Variants in THSD7B observed in about 807,000 individuals in gnomAD.
The protein encoded by THSD7B is thrombospondin type-1 domain-containing protein 7B.
THSD7B carries 138 observed loss-of-function variants against 213.6 expected under a neutral mutation model. That is an observed-to-expected ratio of 0.65 (90% confidence interval 0.56 to 0.74). THSD7B has a LOEUF of 0.74. Ranked by LOEUF, THSD7B falls within the 30% of genes least tolerant of loss-of-function variation. The probability of loss-of-function intolerance (pLI) is 0.00; values close to 1 mark genes in which losing one functional copy is unlikely to be tolerated. For missense variants in THSD7B, 1,931 were observed against 1,991.5 expected (o/e 0.97, Z 0.58); for synonymous variants, 742 against 687.0 (o/e 1.08, Z -1.25).
chr2:137,581,759 CAA>C (rs1205000745), intron 17 of THSD7B, among the ~76,000 whole-genome samples: 8 of 102,536 alleles, frequency 7.8e-5, no homozygotes, highest in African/African-American at 3.0e-4. Flanking sequence ...GACTCCGTCT[CAA>C]AAAAAAAAAT....
At chr2:136,999,752 C>T (rs1210189741) in intron 2 of THSD7B, among the ~76,000 whole-genome samples, 2 of 151,912 alleles carry the variant, frequency 1.3e-5, no homozygotes, top group African/African-American at 4.8e-5. Flanking sequence ...TTGCACCCCC[C>T]TTAATGTCTG....
chr2:136,919,606 G>A (rs1163027829), intron 2 of THSD7B, among the ~76,000 whole-genome samples: 1 of 152,240 alleles, frequency 6.6e-6, no homozygotes, highest in African/African-American at 2.4e-5. Flanking sequence ...CTCTGTCACA[G>A]GATATTTGGA....
intron 2 of THSD7B, among the ~76,000 whole-genome samples, chr2:136,993,679 C>T (rs746768350): frequency 3.9e-5 from 6 of 152,154 alleles, no homozygotes; most frequent in African/African-American, 4.8e-5. Flanking sequence ...AATCTGTTCA[C>T]GTGAAAAACA....
At position 137,275,928 on chromosome 2, in the gene THSD7B, A is replaced by G. The variant is rs774625005; in HGVS notation, c.2402A>G (p.Lys801Arg). Residue 801 changes from lysine (K) to arginine (R), a missense_variant, in exon 12 of 28, where the codon AAG becomes AGG. By Grantham distance (26) the Lys-to-Arg change is conservative (BLOSUM62 2). Transcript: ENST00000409968. Reference protein sequence around the residue: ...DVSLCPVYRWKPQKWSPCILV... With the variant: ...DVSLCPVYRWRPQKWSPCILV... ...ATCGTTTTTGGTAATCACAGGTGGA[A>G]GCCACAGAAATGGAGCCCTTGCATC... 3.7e-6 allele frequency: 6 copies of G among 1,610,656 alleles called. No homozygotes were observed. Among genetic ancestry groups the G allele is most frequent in the Non-Finnish European group, 8.5e-7 (1 of 1,178,266 alleles).
chr2:137,471,052 T>C (rs1688084855), intron 15 of THSD7B, among the ~76,000 whole-genome samples: 1 of 151,890 alleles, frequency 6.6e-6, no homozygotes, highest in Non-Finnish European at 1.5e-5. Context: ...CCCAAGTAGC[T>C]GGGATTACAG....
In THSD7B at chr2:137,405,656, G is replaced by A; in HGVS notation, c.2544G>A (p.Met848Ile). ...ATGACAACCGGTCAGCAGAAATGATGGAATGCCTCAAGCAGACAAACGGCA... is the reference window on the plus strand; with the variant it reads ...ATGACAACCGGTCAGCAGAAATGATAGAATGCCTCAAGCAGACAAACGGCA... Reference protein sequence around the residue: ...ISDDNRSAEMMECLKQTNGMP... With the variant: ...ISDDNRSAEMIECLKQTNGMP... The change falls in exon 13 of 28, where the codon ATG (methionine) becomes ATA (isoleucine). Residue 848 changes from methionine to isoleucine, a missense_variant. Met to Ile is a conservative substitution (Grantham distance 10). Coordinates refer to ENST00000409968, the MANE Select transcript of THSD7B (RefSeq NM_001316349.2). 4 of 1,611,136 alleles carry A rather than the reference G, an allele frequency of 2.5e-6. No individual in the cohort carries two copies. The highest frequency in any genetic ancestry group is 3.4e-6 in the Non-Finnish European group (4 of 1,178,696).
At chr2:136,961,441 C>T (rs1434903896) in intron 2 of THSD7B, among the ~76,000 whole-genome samples, 1 of 151,834 alleles carries the variant, frequency 6.6e-6, no homozygotes, top group East Asian at 2.0e-4. Flanking sequence ...AGGATGGTCT[C>T]GATCTCCTGA....
chr2:137,357,316 AG>A (rs1191835540), intron 12 of THSD7B, among the ~76,000 whole-genome samples: 2 of 152,196 alleles, frequency 1.3e-5, no homozygotes, highest in Admixed American at 6.5e-5. Context: ...GTGACTACAT[AG>A]TGTGAAATAT....
intron 12 of THSD7B, among the ~76,000 whole-genome samples, chr2:137,372,377 C>T (rs1053948673): frequency 8.7e-5 from 11 of 126,292 alleles, no homozygotes; most frequent in African/African-American, 3.1e-4. Flanking sequence ...TTATTCTGAG[C>T]CAAATGTTAG....
intron 15 of THSD7B, chr2:137,538,583 T>C (rs1680550661): frequency 2.1e-6 from 1 of 487,326 alleles, no homozygotes. Context: ...GCTTTTTTTC[T>C]CTTTGTAAAT....
chr2:136,793,683 T>C (rs1227253833), intron 1 of THSD7B, among the ~76,000 whole-genome samples: 2 of 152,020 alleles, frequency 1.3e-5, no homozygotes, highest in African/African-American at 4.8e-5. Context: ...ACTAATATTT[T>C]GGTTAGAATT....
At chr2:137,187,059 T>G (rs541222050) in intron 7 of THSD7B, among the ~76,000 whole-genome samples, 1 of 152,238 alleles carries the variant, frequency 6.6e-6, no homozygotes, top group South Asian at 2.1e-4. Context: ...CCAAGTGGCT[T>G]ATGTGATTGG....
chr2:137,071,966 T>C (rs967218510), intron 3 of THSD7B, among the ~76,000 whole-genome samples: 3 of 152,254 alleles, frequency 2.0e-5, no homozygotes, highest in African/African-American at 7.2e-5. Context: ...CATTGGTCTA[T>C]ATCTCTGTTT....
At chr2:136,807,637 G>A (rs1467839423) in intron 1 of THSD7B, among the ~76,000 whole-genome samples, 1 of 150,720 alleles carries the variant, frequency 6.6e-6, no homozygotes, top group African/African-American at 2.4e-5. Flanking sequence ...CTCCCAAGTA[G>A]CTGGGACTAC....
intron 12 of THSD7B, among the ~76,000 whole-genome samples, chr2:137,313,437 C>A (rs1050356491): frequency 8.1e-6 from 1 of 123,990 alleles, no homozygotes; most frequent in Non-Finnish European, 1.9e-5. Context: ...ATACAGCACA[C>A]TGATGGTCTT....
At chr2:137,432,181 A>C (rs1469735986) in intron 14 of THSD7B, among the ~76,000 whole-genome samples, 1 of 152,118 alleles carries the variant, frequency 6.6e-6, no homozygotes, top group East Asian at 1.9e-4. Context: ...TCACGAGGTC[A>C]GGAGATTGAG....
At chr2:137,525,699 ATAT>A (rs1274999283) in intron 15 of THSD7B, among the ~76,000 whole-genome samples, 2 of 152,328 alleles carry the variant, frequency 1.3e-5, no homozygotes, top group Admixed American at 6.5e-5. Context: ...AAAAATGGAA[ATAT>A]TATAGTCAGA....
intron 12 of THSD7B, among the ~76,000 whole-genome samples, chr2:137,402,389 A>G (rs1260695317): frequency 2.6e-5 from 4 of 152,216 alleles, no homozygotes; most frequent in African/African-American, 9.6e-5. Flanking sequence ...AATGCAGTGT[A>G]TTCTAATTTA....
intron 4 of THSD7B, among the ~76,000 whole-genome samples, chr2:137,098,067 A>G (rs1688073505): frequency 6.6e-6 from 1 of 152,192 alleles, no homozygotes; most frequent in Non-Finnish European, 1.5e-5. Flanking sequence ...ATTAAAATTC[A>G]TTGTTAACAA....
Sources: allele counts gnomAD v4.1 joint callset (sites outside exome capture counted in the v4.1 genomes callset), GRCh38; gene constraint gnomAD v4.1.1; transcripts MANE v1.5; gene names NCBI Gene and HGNC (gene_info 2026-07-23, HGNC 2026-07-21).